The following RLF variants were observed in gnomAD, a reference collection of about 807,000 sequenced individuals.
RLF encodes zinc finger protein Rlf.
A neutral mutation model predicts 162.9 loss-of-function variants in RLF; 7 were observed. That is an observed-to-expected ratio of 0.04 (90% CI 0.02 to 0.08). The LOEUF (loss-of-function observed/expected upper bound fraction) is 0.08, where lower values mean the gene tolerates loss of function less well. RLF is among the 10% of genes least tolerant of loss of function. The pLI, the probability that RLF is intolerant of heterozygous loss-of-function variation, is 1.00. For synonymous variants in RLF, 782 were observed against 791.5 expected (o/e 0.99, Z 0.20); for missense variants, 1,664 against 2,244.7 (o/e 0.74, Z 5.23).
chr1:40,222,157 A>T (rs1445237380), intron 5 of RLF, among the ~76,000 whole-genome samples: 1 of 152,082 alleles, frequency 6.6e-6, no homozygotes, highest in Non-Finnish European at 1.5e-5. Context: ...AGCCCCACTG[A>T]TATTGAGGAT....
chr1:40,192,757 A>G (rs1642576084), intron 3 of RLF, among the ~76,000 whole-genome samples: 1 of 152,214 alleles, frequency 6.6e-6, no homozygotes, highest in Non-Finnish European at 1.5e-5. Context: ...CTTATTTTAT[A>G]TTATAAATGG....
chr1:40,216,615 C>T (rs1642927671), intron 5 of RLF, among the ~76,000 whole-genome samples: 1 of 152,178 alleles, frequency 6.6e-6, no homozygotes, highest in Non-Finnish European at 1.5e-5. Context: ...CAGGGCCTCA[C>T]TGTACAAAAC....
chr1:40,178,095 G>C (rs2124528943), intron 1 of RLF: 2 of 149,276 alleles, frequency 1.3e-5, no homozygotes, highest in African/African-American at 5.1e-5. Context: ...TATATCTATA[G>C]ATATATATGA....
In RLF at chr1:40,176,956, T is replaced by C. The variant is rs958827790; in HGVS notation, c.238-12099T>C. ...TTTTATTATTCTCTTAACAGTATAT[T>C]TCTTTCTTTTTTATTTATTTCTTTT... is the stretch of plus-strand genomic sequence containing the variant. On this transcript the variant is annotated intron_variant, in intron 1 of 7. Coordinates refer to ENST00000372771, the MANE Select transcript of RLF (RefSeq NM_012421.4). Among the ~76,000 whole-genome samples the C allele has an allele frequency of 5.9e-5, 9 of 151,888 alleles. No homozygotes were observed. In the South Asian group the frequency reaches 1.2e-3, roughly 21 times the overall value.
At chr1:40,215,184 A>G (rs971398612) in intron 5 of RLF, among the ~76,000 whole-genome samples, 3 of 152,164 alleles carry the variant, frequency 2.0e-5, no homozygotes, top group African/African-American at 4.8e-5. Context: ...GGACAATTCA[A>G]ACATGAGAGT....
chr1:40,217,803 C>A (rs1404986257), intron 5 of RLF, among the ~76,000 whole-genome samples: 1 of 152,000 alleles, frequency 6.6e-6, no homozygotes, highest in Non-Finnish European at 1.5e-5. Flanking sequence ...AAAAACCCAA[C>A]TCCTACTTAA....
At chr1:40,230,269 A>C (rs922764400) in intron 6 of RLF, among the ~76,000 whole-genome samples, 2 of 152,218 alleles carry the variant, frequency 1.3e-5, no homozygotes, top group African/African-American at 4.8e-5. Context: ...TCTGGGAGAC[A>C]GTCTGTGTTA....
intron 1 of RLF, among the ~76,000 whole-genome samples, chr1:40,187,273 G>A (rs1444644318): frequency 3.9e-5 from 6 of 152,022 alleles, no homozygotes; most frequent in Admixed American, 6.6e-5. Context: ...TTTGTGATCC[G>A]TCCGCCTCGG....
chr1:40,217,242 G>A (rs974849778), intron 5 of RLF, among the ~76,000 whole-genome samples: 4 of 152,076 alleles, frequency 2.6e-5, no homozygotes, highest in Admixed American at 6.6e-5. Flanking sequence ...TAGGTTGGGG[G>A]AACATTTGAG....
At chr1:40,175,727 A>C (rs1003212696) in intron 1 of RLF, among the ~76,000 whole-genome samples, 13 of 150,292 alleles carry the variant, frequency 8.6e-5, no homozygotes, top group Non-Finnish European at 1.8e-4. Flanking sequence ...TGGAGGTTGC[A>C]GTGAGCAGAA....
At position 40,240,349 on chromosome 1, in the gene RLF, C is replaced by A; in HGVS notation, c.5647C>A (p.Arg1883=). The change falls in exon 8 of 8, where the codon CGG becomes AGG. Residue 1883 remains arginine, a synonymous_variant. Transcript: ENST00000372771. ...ELALKQLHYL[R]PVVVLERSKF... The stretch of plus-strand genomic sequence containing the variant: ...TGCCTTAAAACAGCTTCATTATCTT[C>A]GGCCAGTGGTGGTTCTTGAAAGATC... 1 of 1,614,134 alleles carries A rather than the reference C, an allele frequency of 6.2e-7. No homozygotes were observed. The highest frequency in any genetic ancestry group is 8.5e-7 in the Non-Finnish European group (1 of 1,179,992).
intron 1 of RLF, 100 bp from the exon 2 acceptor site, chr1:40,188,955 T>A (rs1228060063): frequency 1.3e-5 from 9 of 711,810 alleles, no homozygotes; most frequent in Non-Finnish European, 2.0e-5. Context: ...TATATGCATC[T>A]GTTAGAAAAA....
intron 5 of RLF, among the ~76,000 whole-genome samples, chr1:40,221,081 C>T (rs541612280): frequency 6.6e-6 from 1 of 151,692 alleles, no homozygotes; most frequent in Admixed American, 6.6e-5. Context: ...TTCAGTGAGC[C>T]GTGATTACCC....
chr1:40,180,839 T>C (rs1642396134), intron 1 of RLF, among the ~76,000 whole-genome samples: 1 of 152,178 alleles, frequency 6.6e-6, no homozygotes, highest in Admixed American at 6.6e-5. Context: ...ATTTTATGGG[T>C]TTCCTTTTTA....
intron 4 of RLF, among the ~76,000 whole-genome samples, chr1:40,199,692 C>T (rs1642685716): frequency 6.6e-6 from 1 of 152,074 alleles, no homozygotes; most frequent in African/African-American, 2.4e-5. Flanking sequence ...GGTAATATGC[C>T]TGTTATCAGG....
intron 1 of RLF, among the ~76,000 whole-genome samples, chr1:40,165,296 A>G (rs1444166101): frequency 1.3e-5 from 2 of 152,200 alleles, no homozygotes; most frequent in African/African-American, 4.8e-5. Context: ...ATGGACCAAC[A>G]TGTGATTGCA....
intron 1 of RLF, among the ~76,000 whole-genome samples, chr1:40,168,583 G>A (rs1570511278): frequency 6.6e-6 from 1 of 152,250 alleles, no homozygotes; most frequent in East Asian, 1.9e-4. Flanking sequence ...AGTTTATCCT[G>A]CTTCCCAGCA....
intron 1 of RLF, chr1:40,178,057 CATAT>C (rs71957395): frequency 6.7e-6 from 1 of 150,182 alleles, no homozygotes; most frequent in East Asian, 1.9e-4. Context: ...AAATAAAAAA[CATAT>C]ATATATATAG....
intron 5 of RLF, among the ~76,000 whole-genome samples, chr1:40,210,755 G>A (rs892592249): frequency 2.0e-5 from 3 of 152,190 alleles, no homozygotes; most frequent in Non-Finnish European, 4.4e-5. Flanking sequence ...ACCTTCAAGA[G>A]GCTCATAAGG....
Sources: allele counts gnomAD v4.1 joint callset (sites outside exome capture counted in the v4.1 genomes callset), GRCh38; gene constraint gnomAD v4.1.1; transcripts MANE v1.5; gene names NCBI Gene and HGNC (gene_info 2026-07-23, HGNC 2026-07-21).